Variants in LAMA4 observed in about 807,000 individuals in gnomAD.
LAMA4 encodes laminin subunit alpha 4, also known as laminin subunit alpha-4.
In LAMA4, 127 loss-of-function variants were observed where a neutral mutation model predicts 207.1. That is an observed-to-expected ratio of 0.61 (90% CI 0.53 to 0.71). LAMA4 has a LOEUF of 0.71. Ranked by LOEUF, LAMA4 falls within the 30% of genes least tolerant of loss-of-function variation. The pLI, the probability that LAMA4 is intolerant of heterozygous loss-of-function variation, is 0.00. For missense variants in LAMA4, 2,093 were observed against 2,246.5 expected, an observed-to-expected ratio of 0.93 and a Z score of 1.38; for synonymous variants, 761 against 816.0, an observed-to-expected ratio of 0.93 and a Z score of 1.15.
At chr6:112,128,014 A>T (rs185499704) in intron 31 of LAMA4, among the ~76,000 whole-genome samples, 1 of 152,300 alleles carries the variant, frequency 6.6e-6, no homozygotes, top group East Asian at 1.9e-4. Flanking sequence ...CCAACTGTGC[A>T]TGTGAGTGGT....
chr6:112,160,506 T>C (rs1329725523), intron 13 of LAMA4, among the ~76,000 whole-genome samples: 1 of 152,226 alleles, frequency 6.6e-6, no homozygotes, highest in East Asian at 1.9e-4. Context: ...TCTAGCTTTT[T>C]CTCTTGCTTT....
At chr6:112,125,462 A>C (rs548111685) in intron 31 of LAMA4, among the ~76,000 whole-genome samples, 1 of 152,288 alleles carries the variant, frequency 6.6e-6, no homozygotes, top group South Asian at 2.1e-4. Flanking sequence ...GTTCTTAGAG[A>C]AGAGAGTGGT....
chr6:112,114,016 A>G, intron 38 of LAMA4, 60 bp downstream of exon 38: 1 of 1,586,746 alleles, frequency 6.3e-7, no homozygotes, highest in Non-Finnish European at 8.7e-7. Context: ...ATTCTACAAT[A>G]ACAATTGTGA....
chr6:112,190,454 G>T (rs1337550437), intron 6 of LAMA4, among the ~76,000 whole-genome samples: 1 of 152,122 alleles, frequency 6.6e-6, no homozygotes, highest in Admixed American at 6.5e-5. Context: ...TTTTCAAGTG[G>T]AAATCTGTTT....
Position 112,188,224 on chromosome 6 carries a change from G to A in LAMA4, c.815-623C>T, listed in dbSNP as rs562931637. ...AGAGACGTGATAAAGGGAGACTGGCGTGTTAATGGTTGTTAATATGTTAAT... is the reference window on the plus strand; with the variant it reads ...AGAGACGTGATAAAGGGAGACTGGCATGTTAATGGTTGTTAATATGTTAAT... On this transcript the variant is annotated intron_variant, in intron 7 of 38. Transcript: ENST00000230538. Among the ~76,000 whole-genome samples, 102 of 152,334 alleles carry A rather than the reference G, an allele frequency of 6.7e-4. 1 individual carries two copies. In the South Asian group the frequency reaches 0.019, roughly 29 times the overall value.
At chr6:112,210,126 G>A (rs1784282345) in intron 3 of LAMA4, among the ~76,000 whole-genome samples, 1 of 151,948 alleles carries the variant, frequency 6.6e-6, no homozygotes, top group African/African-American at 2.4e-5. Flanking sequence ...CTCCTCAGAA[G>A]CAGAAGCCTG....
intron 15 of LAMA4, 145 bp from the exon 16 acceptor site, chr6:112,155,092 CA>C: frequency 1.4e-6 from 1 of 711,218 alleles, no homozygotes; most frequent in South Asian, 1.5e-5. Context: ...AAATTAAGGT[CA>C]AATATGTGAC....
At chr6:112,218,110 C>G (rs575922138) in intron 2 of LAMA4, 1 of 152,170 alleles carries the variant, frequency 6.6e-6, no homozygotes, top group South Asian at 2.1e-4. Context: ...TAAAATTGAT[C>G]TGATGACCCA....
Position 112,216,405 on chromosome 6 carries a change from T to C in LAMA4, c.260A>G (p.Asn87Ser). Residue 87 changes from asparagine to serine, a missense_variant, in exon 3 of 39, where the codon AAT becomes AGT. Around this residue, in one of 3 missense-constraint regions of LAMA4, gnomAD observed 1,704 missense variants for 1,788.4 expected, o/e 0.95. Transcript: ENST00000230538. ...TGAGCCGTCCAAACACTCGTTGGAA[T>C]TGCCATTACAGTCGCAGGGCACACA... ...GECVPCDCNG[N>S]SNECLDGSGY... The C allele has an allele frequency of 6.2e-7, 1 of 1,614,058 alleles. No homozygotes were observed. The highest frequency in any genetic ancestry group is 8.5e-7 in the Non-Finnish European group (1 of 1,179,910).
Position 112,140,930 on chromosome 6 carries a change from G to A in LAMA4, c.2814-8C>T. On this transcript the variant is annotated splice_region_variant and splice_polypyrimidine_tract_variant and intron_variant, in intron 21 of 38. Coordinates refer to ENST00000230538, the MANE Select transcript of LAMA4 (RefSeq NM_001105206.3). ...TTTCCATGTTTTCCCACCCTATTGAGATAAATAATTTTCACTTGTTATTAT... is the reference window on the plus strand; with the variant it reads ...TTTCCATGTTTTCCCACCCTATTGAAATAAATAATTTTCACTTGTTATTAT... 2 of 1,606,636 alleles carry A rather than the reference G, an allele frequency of 1.2e-6. No homozygotes were observed. The highest frequency in any genetic ancestry group is 1.7e-6 in the Non-Finnish European group (2 of 1,173,356).
intron 13 of LAMA4, among the ~76,000 whole-genome samples, chr6:112,161,244 T>A (rs1781034893): frequency 6.6e-6 from 1 of 152,248 alleles, no homozygotes; most frequent in African/African-American, 2.4e-5. Flanking sequence ...TTATTATTCA[T>A]TCATGTGTCA....
rs1554333423 is a variant in LAMA4, at chr6:112,142,115, T to C, written c.2667+4A>G. 2 of 1,613,986 alleles carry C rather than the reference T, an allele frequency of 1.2e-6. No homozygotes were observed. Among genetic ancestry groups the C allele is most frequent in the Admixed American group, 3.3e-5 (2 of 60,000 alleles). On this transcript the variant is annotated splice_donor_region_variant and intron_variant, in intron 20 of 38. Coordinates refer to ENST00000230538, the MANE Select transcript of LAMA4 (RefSeq NM_001105206.3). The stretch of plus-strand genomic sequence containing the variant: ...ATTCCCTCCTTTCAAACTCATGTGC[T>C]TACGTTTTTGCTTCCGAGGTACAGG...
chr6:112,194,801 A>AT (rs1783316301), intron 5 of LAMA4, among the ~76,000 whole-genome samples: 2 of 152,202 alleles, frequency 1.3e-5, no homozygotes, highest in Admixed American at 1.3e-4. Context: ...ATTTGAGTTT[A>AT]GAGTAAGCAT....
intron 2 of LAMA4, among the ~76,000 whole-genome samples, chr6:112,221,332 C>T (rs554219564): frequency 5.9e-5 from 9 of 152,262 alleles, no homozygotes; most frequent in South Asian, 2.1e-4. Context: ...CAAAGATCTA[C>T]GAACATATGA....
chr6:112,166,187 T>TA (rs1239120016), intron 12 of LAMA4: 31 of 152,242 alleles, frequency 2.0e-4, no homozygotes, highest in Admixed American at 1.8e-3. Context: ...TGTCCTTTCT[T>TA]ACTCCCTGCA....
At chr6:112,191,981 T>C in intron 5 of LAMA4, 131 bp from the exon 6 acceptor site, 1 of 788,262 alleles carries the variant, frequency 1.3e-6, no homozygotes, top group Non-Finnish European at 2.2e-6. Flanking sequence ...TTGCACTCTC[T>C]CATCTTCTTC....
chr6:112,161,140 C>T (rs572020810), intron 13 of LAMA4, among the ~76,000 whole-genome samples: 1 of 152,322 alleles, frequency 6.6e-6, no homozygotes, highest in Admixed American at 6.5e-5. Context: ...ACCTGGAAAG[C>T]TCTACTCCTC....
chr6:112,142,228 T>A lies in LAMA4; in HGVS notation c.2558A>T (p.Asp853Val), dbSNP rs1554333492. ...CAGAGACGTGAAGGCCTTTAAGTCATCCATACTGGTTCTCGAGTGCACTTC... is the reference window on the plus strand; with the variant it reads ...CAGAGACGTGAAGGCCTTTAAGTCAACCATACTGGTTCTCGAGTGCACTTC... The part of the protein sequence containing the change: ...AVEVHSRTSM[D>V]DLKAFTSLSL... Residue 853 changes from aspartate (D) to valine (V), a missense_variant, in exon 20 of 39, where the codon GAT (aspartate) becomes GTT (valine). Around this residue, in one of 3 missense-constraint regions of LAMA4, gnomAD observed 1,704 missense variants for 1,788.4 expected, o/e 0.95. Coordinates refer to ENST00000230538, the MANE Select transcript of LAMA4 (RefSeq NM_001105206.3). 1 of 1,614,146 alleles carries A rather than the reference T, an allele frequency of 6.2e-7. No individual in the cohort carries two copies. Among genetic ancestry groups the A allele is most frequent in the East Asian group, 2.2e-5 (1 of 44,884 alleles).
chr6:112,243,283 A>C, intron 2 of LAMA4, among the ~76,000 whole-genome samples: 1 of 151,150 alleles, frequency 6.6e-6, no homozygotes, highest in Admixed American at 6.6e-5. Context: ...ACCCCTCCCC[A>C]CCCCCTACCA....
Sources: gnomAD v4.1 joint callset for allele counts (sites outside exome capture counted in the v4.1 genomes callset) on GRCh38, gnomAD v4.1.1 for gene constraint, gnomAD v4.1.1 regional missense constraint, MANE v1.5 for transcripts, NCBI Gene and HGNC (gene_info 2026-07-23, HGNC 2026-07-21) for gene names.